PRKG1: variants seen among roughly 807,000 people sequenced by gnomAD.
The protein encoded by PRKG1 is protein kinase cGMP-dependent 1.
Under a neutral mutation model 88.1 loss-of-function variants are expected in PRKG1, and 35 were observed. That is an observed-to-expected ratio of 0.40 (90% CI 0.30 to 0.53). The LOEUF (loss-of-function observed/expected upper bound fraction) is 0.53. PRKG1 is among the 20% of genes least tolerant of loss of function. PRKG1 has a pLI of 0.59. For missense variants in PRKG1, 540 were observed against 839.8 expected, an observed-to-expected ratio of 0.64 and a Z score of 4.41; for synonymous variants, 303 against 292.5, an observed-to-expected ratio of 1.04 and a Z score of -0.37.
At chr10:51,634,917 C>G (rs1839617195) in intron 3 of PRKG1, among the ~76,000 whole-genome samples, 1 of 151,972 alleles carries the variant, frequency 6.6e-6, no homozygotes, top group Non-Finnish European at 1.5e-5. Flanking sequence ...AAGAAGAGAA[C>G]AATATACACC....
At chr10:51,655,430 G>A (rs1333928599) in intron 3 of PRKG1, among the ~76,000 whole-genome samples, 6 of 152,080 alleles carry the variant, frequency 3.9e-5, no homozygotes, top group Admixed American at 3.9e-4. Flanking sequence ...TATGTACAGT[G>A]TTAGAAAATA....
Position 51,585,000 on chromosome 10 carries a change from C to T in PRKG1, c.592+117164C>T, listed in dbSNP as rs548979938. ...TTACCCCCGATAAGTTTAAGAATAACAAGTGATAGAATAGGTCTTATTAGC... is the reference window on the plus strand; with the variant it reads ...TTACCCCCGATAAGTTTAAGAATAATAAGTGATAGAATAGGTCTTATTAGC... On this transcript the variant is annotated intron_variant, in intron 3 of 17. Transcript: ENST00000373980. Among the ~76,000 whole-genome samples, 13 of 152,154 alleles carry T rather than the reference C, an allele frequency of 8.5e-5. No homozygotes were observed. In the South Asian group the frequency reaches 2.7e-3, roughly 32 times the overall value.
intron 3 of PRKG1, among the ~76,000 whole-genome samples, chr10:51,747,668 A>G (rs974205933): frequency 6.6e-6 from 1 of 152,174 alleles, no homozygotes; most frequent in African/African-American, 2.4e-5. Flanking sequence ...TTTTGAGGTT[A>G]GCTGATTTAT....
chr10:52,042,581 AT>A (rs1314224931), intron 5 of PRKG1, among the ~76,000 whole-genome samples: 2 of 152,180 alleles, frequency 1.3e-5, no homozygotes, highest in Non-Finnish European at 2.9e-5. Context: ...CTTCAAATGG[AT>A]TAAAGACTTA....
At chr10:51,466,340 T>C (rs73336213) in intron 2 of PRKG1, among the ~76,000 whole-genome samples, 69 of 152,246 alleles carry the variant, frequency 4.5e-4, no homozygotes, top group African/African-American at 1.6e-3. Context: ...CAAGTCTTTT[T>C]AAACCTTTTG....
At chr10:50,992,559 G>C (rs920963609) in intron 1 of PRKG1, among the ~76,000 whole-genome samples, 5 of 152,150 alleles carry the variant, frequency 3.3e-5, no homozygotes, top group African/African-American at 1.2e-4. Flanking sequence ...AGGGTAGGCT[G>C]TTTCTCCGGA....
chr10:51,856,619 G>A lies in PRKG1; in HGVS notation c.699-50888G>A, dbSNP rs1022116254. Among the ~76,000 whole-genome samples the A allele has an allele frequency of 2.6e-5, 4 of 152,084 alleles. 1 individual carries two copies. The highest frequency in any genetic ancestry group is 3.9e-4 in the East Asian group (2 of 5,182). On this transcript the variant is annotated intron_variant, in intron 4 of 17. Transcript: ENST00000373980. ...CATAAGGCTATTGTAATGATATAACGAAGTATTAATATTGTAAGTGAAGAG... is the reference window on the plus strand; with the variant it reads ...CATAAGGCTATTGTAATGATATAACAAAGTATTAATATTGTAAGTGAAGAG...
intron 7 of PRKG1, among the ~76,000 whole-genome samples, chr10:52,063,787 G>A (rs780853171): frequency 6.6e-6 from 1 of 151,934 alleles, no homozygotes; most frequent in Non-Finnish European, 1.5e-5. Flanking sequence ...GTGTTCAGTT[G>A]TCAACAGAGA....
intron 1 of PRKG1, among the ~76,000 whole-genome samples, chr10:51,040,813 C>T (rs185898715): frequency 4.6e-5 from 7 of 152,050 alleles, no homozygotes; most frequent in African/African-American, 1.7e-4. Flanking sequence ...TTGTATCCTG[C>T]GTCTTTACTG....
intron 3 of PRKG1, among the ~76,000 whole-genome samples, chr10:51,549,259 G>T: frequency 6.6e-6 from 1 of 150,536 alleles, no homozygotes; most frequent in Non-Finnish European, 1.5e-5. Context: ...AAAGTAGCTG[G>T]GATTACAGGT....
chr10:51,266,701 C>T (rs1007290321), intron 2 of PRKG1, among the ~76,000 whole-genome samples: 10 of 152,224 alleles, frequency 6.6e-5, no homozygotes, highest in Admixed American at 1.3e-4. Context: ...AATACTTGCA[C>T]GCAGCACAAA....
At chr10:51,702,700 AT>A (rs11439069) in intron 3 of PRKG1, among the ~76,000 whole-genome samples, 200 of 146,624 alleles carry the variant, frequency 1.4e-3, no homozygotes, top group East Asian at 1.8e-3. Flanking sequence ...TTCAAAATGA[AT>A]TTTTTTTTTT....
intron 4 of PRKG1, among the ~76,000 whole-genome samples, chr10:51,814,505 A>G (rs1589312326): frequency 6.6e-6 from 1 of 152,276 alleles, no homozygotes; most frequent in Non-Finnish European, 1.5e-5. Flanking sequence ...GAGCTTTAAT[A>G]GAGCTTTTCT....
chr10:51,201,214 A>G (rs1315551921), intron 2 of PRKG1, among the ~76,000 whole-genome samples: 1 of 152,102 alleles, frequency 6.6e-6, no homozygotes, highest in African/African-American at 2.4e-5. Context: ...TAATCCCAGC[A>G]CTTTGGGAGG....
intron 4 of PRKG1, among the ~76,000 whole-genome samples, chr10:51,869,563 C>G (rs1282879850): frequency 6.6e-6 from 1 of 152,124 alleles, no homozygotes; most frequent in African/African-American, 2.4e-5. Flanking sequence ...ATCTTATCAT[C>G]TAGCTCATCT....
At chr10:51,322,072 G>A (rs1017663080) in intron 2 of PRKG1, among the ~76,000 whole-genome samples, 10 of 152,042 alleles carry the variant, frequency 6.6e-5, no homozygotes, top group African/African-American at 2.4e-4. Context: ...CAATTGCTAT[G>A]TGAAGCCACC....
intron 3 of PRKG1, among the ~76,000 whole-genome samples, chr10:51,763,417 A>G (rs1252674710): frequency 6.6e-6 from 1 of 151,758 alleles, no homozygotes; most frequent in Non-Finnish European, 1.5e-5. Context: ...AAAACTACAC[A>G]GCTAATTTAA....
At chr10:52,053,125 A>T (rs1452198069) in intron 5 of PRKG1, among the ~76,000 whole-genome samples, 2 of 152,058 alleles carry the variant, frequency 1.3e-5, no homozygotes, top group African/African-American at 2.4e-5. Context: ...TGTGTGCAGG[A>T]TGGGTTGGTG....
intron 3 of PRKG1, among the ~76,000 whole-genome samples, chr10:51,724,931 A>G (rs948998439): frequency 1.2e-4 from 16 of 132,816 alleles, no homozygotes; most frequent in Admixed American, 7.8e-4. Context: ...GCTGGTCTTG[A>G]ACTCCTGGAC....
Sources: allele counts gnomAD v4.1 joint callset (sites outside exome capture counted in the v4.1 genomes callset), GRCh38; gene constraint gnomAD v4.1.1; transcripts MANE v1.5; gene names NCBI Gene and HGNC (gene_info 2026-07-23, HGNC 2026-07-21).